The following THOP1 variants were observed in gnomAD, a reference collection of about 807,000 sequenced individuals.
The protein encoded by THOP1 is thimet oligopeptidase 1, also known as thimet oligopeptidase.
THOP1 carries 49 observed loss-of-function variants against 71.8 expected under a neutral mutation model. The observed-to-expected ratio is 0.68, with a 90% CI of 0.54 to 0.87. The LOEUF is 0.87. Among genes scored for constraint, THOP1 ranks in the 40% least tolerant of loss-of-function variants. The probability of loss-of-function intolerance (pLI) is 0.00; values close to 1 mark genes in which losing one functional copy is unlikely to be tolerated. For synonymous variants in THOP1, 426 were observed against 421.5 expected (o/e 1.01, Z -0.13); for missense variants, 843 against 975.6 (o/e 0.86, Z 1.81).
intron 7 of THOP1, among the ~76,000 whole-genome samples, 153 bp from the exon 8 acceptor site, chr19:2,807,289 G>A (rs867582329): frequency 6.6e-6 from 1 of 152,222 alleles, no homozygotes; most frequent in East Asian, 1.9e-4. Context: ...CACCCTGAGC[G>A]TGAGGATGCT....
At position 2,808,316 on chromosome 19, in the gene THOP1, A is replaced by C. The variant is rs556378977; in HGVS notation, c.1327A>C (p.Ile443Leu). ...GCLRQDGSRQ[I>L]AIAAMVANFT... ...CCTGCGGCAGGATGGGAGCCGCCAG[A>C]TCGCCATCGCGGCCATGGTGGCCAA... The change falls in exon 9 of 13, where the codon ATC becomes CTC. Residue 443 changes from isoleucine to leucine, a missense_variant. Transcript: ENST00000307741. 2.1e-5 allele frequency: 33 copies of C among 1,587,554 alleles called. No homozygotes were observed. In the East Asian group the frequency reaches 6.5e-4, roughly 31 times the overall value.
chr19:2,803,086 T>A (rs2144773025), intron 5 of THOP1, among the ~76,000 whole-genome samples: 1 of 152,286 alleles, frequency 6.6e-6, no homozygotes, highest in African/African-American at 2.4e-5. Flanking sequence ...GTTGGACATG[T>A]GATGTCGCAG....
At chr19:2,808,153 T>A (rs1314806019) in intron 8 of THOP1, 90 bp from the exon 9 acceptor site, 3 of 1,418,070 alleles carry the variant, frequency 2.1e-6, no homozygotes, top group Non-Finnish European at 2.9e-6. Flanking sequence ...GCGGTCTGGG[T>A]TAGCAGTCAG....
At chr19:2,813,003 C>T (rs1916519813) in intron 12 of THOP1, 112 bp from the exon 13 acceptor site, 1 of 1,355,278 alleles carries the variant, frequency 7.4e-7, no homozygotes, top group Non-Finnish European at 9.9e-7. Flanking sequence ...TCCCTGGGAA[C>T]CTGGAAGGGG....
At position 2,813,431 on chromosome 19, in the gene THOP1, G is replaced by A. The variant is rs1342884181; in HGVS notation, c.*155G>A. On this transcript the variant is annotated 3_prime_UTR_variant, in exon 13 of 13. Transcript: ENST00000307741. ...CTCTTGTCATTGTCTGTCCCCACCC[G>A]GTCGTGGCCCACCCGGCTAGAGACG... The A allele has an allele frequency of 2.0e-5, 20 of 982,812 alleles. No homozygotes were observed. The highest frequency in any genetic ancestry group is 4.9e-5 in the African/African-American group (3 of 60,928). 60.9% of individuals were successfully genotyped at this position (982,812 alleles called of 1,614,324 possible).
At position 2,799,852 on chromosome 19, in the gene THOP1, C is replaced by T. The variant is rs1916105415; in HGVS notation, c.589+61C>T. 10 of 1,486,840 alleles carry T rather than the reference C, an allele frequency of 6.7e-6. No homozygotes were observed. In the South Asian group the frequency reaches 1.1e-4, roughly 17 times the overall value. The allele number at this position is 1,486,840 out of a possible 1,614,324, so 92.1% of individuals were successfully genotyped here. On this transcript the variant is annotated intron_variant, in intron 5 of 12. Transcript: ENST00000307741. ...GTCCTGGGACTCAGTGCAGGCCTGC[C>T]AGGCCCTCGGGGGCCGCCGCTTCCT... is the stretch of plus-strand genomic sequence containing the variant.
intron 4 of THOP1, among the ~76,000 whole-genome samples, chr19:2,798,743 C>T (rs979506785): frequency 3.3e-5 from 5 of 152,250 alleles, no homozygotes; most frequent in Non-Finnish European, 7.3e-5. Flanking sequence ...CCCCTGCTGC[C>T]GCCCTCTGTC....
At position 2,801,173 on chromosome 19, in the gene THOP1, G is replaced by A. The variant is rs563172323; in HGVS notation, c.589+1382G>A. Among the ~76,000 whole-genome samples, 5 of 152,298 alleles carry A rather than the reference G, an allele frequency of 3.3e-5. No homozygotes were observed. Among genetic ancestry groups the A allele is most frequent in the East Asian group, 1.9e-4 (1 of 5,176 alleles). On this transcript the variant is annotated intron_variant, in intron 5 of 12. Coordinates refer to ENST00000307741, the MANE Select transcript of THOP1 (RefSeq NM_003249.5). This position sits in a 1 kb window ranked among gnomAD's most constrained non-coding sequence, Gnocchi z 5.1. Reference sequence around the variant, plus strand: ...CTTGGGCACGCACAGTTATCTGTCCGTGCCAGCTCGTGGGTCCTGGGTGTG... The same window carrying A: ...CTTGGGCACGCACAGTTATCTGTCCATGCCAGCTCGTGGGTCCTGGGTGTG...
chr19:2,806,789 C>T (rs1038756373), intron 6 of THOP1, 128 bp from the exon 7 acceptor site: 59 of 1,511,128 alleles, frequency 3.9e-5, no homozygotes, highest in Non-Finnish European at 4.8e-5. Flanking sequence ...TAACACAGGC[C>T]GAGAGGGGCA....
At chr19:2,785,756 G>A in intron 1 of THOP1, 78 bp downstream of exon 1, 2 of 1,275,940 alleles carry the variant, frequency 1.6e-6, no homozygotes, top group South Asian at 2.8e-5. Flanking sequence ...TGGGCCTAAG[G>A]CTGGAGCGAA....
At chr19:2,786,261 A>G (rs935925010) in intron 1 of THOP1, among the ~76,000 whole-genome samples, 2 of 152,012 alleles carry the variant, frequency 1.3e-5, no homozygotes, top group African/African-American at 4.8e-5. Context: ...GGACCTTTTA[A>G]TTTTGTTATT....
chr19:2,807,825 G>A lies in THOP1; in HGVS notation c.1253+17G>A. The A allele has an allele frequency of 6.9e-7, 1 of 1,448,338 alleles. No homozygotes were observed. Among genetic ancestry groups the A allele is most frequent in the Non-Finnish European group, 9.1e-7 (1 of 1,104,014 alleles). The allele number at this position is 1,448,338 out of a possible 1,614,324, so 89.7% of individuals were successfully genotyped here. A position where few individuals can be genotyped will look rare whatever the true frequency, so the allele number is the denominator to read the frequency against. On this transcript the variant is annotated intron_variant, in intron 8 of 12. Transcript: ENST00000307741. ...GTACCCGCGGTGGGTGAGGGCAGCG[G>A]GGGCGGGGGGCGCACCCCGGCCCTG...
Position 2,807,008 on chromosome 19 carries a change from A to T in THOP1, c.842A>T (p.Glu281Val). 6.2e-7 allele frequency: 1 copy of T among 1,612,870 alleles called. No individual in the cohort carries two copies. The highest frequency in any genetic ancestry group is 1.3e-5 in the African/African-American group (1 of 75,018). ...CACACGCACGCCGACTATGTCCTGG[A>T]GATGAACATGGCCAAGACCAGCCAG... is the stretch of plus-strand genomic sequence containing the variant. The part of the protein sequence containing the change: ...GFHTHADYVL[E>V]MNMAKTSQTV... The change falls in exon 7 of 13, where the codon GAG (glutamate) becomes GTG (valine). Residue 281 changes from glutamate to valine, a missense_variant. By Grantham distance (121) the Glu-to-Val change is moderately radical. Transcript: ENST00000307741.
chr19:2,794,663 G>A, intron 2 of THOP1, 101 bp from the exon 3 acceptor site: 1 of 1,422,280 alleles, frequency 7.0e-7, no homozygotes, highest in Non-Finnish European at 9.6e-7. Context: ...GAGTTCACGG[G>A]GGGATTCAGC....
Position 2,811,593 on chromosome 19 carries a change from C to T in THOP1, c.1772-5C>T, listed in dbSNP as rs1173450343. The T allele has an allele frequency of 1.2e-6, 2 of 1,611,996 alleles. No homozygotes were observed. Among genetic ancestry groups the T allele is most frequent in the Non-Finnish European group, 1.7e-6 (2 of 1,179,228 alleles). On this transcript the variant is annotated splice_polypyrimidine_tract_variant and splice_region_variant and intron_variant, in intron 11 of 12. Transcript: ENST00000307741. ...AGCGTGAACCCTGCCATGTGTCCGC[C>T]CCAGGAACCAACATGCCTGCAACCT...
intron 9 of THOP1, 133 bp downstream of exon 9, chr19:2,808,577 A>G: frequency 9.6e-7 from 1 of 1,038,994 alleles, no homozygotes; most frequent in Non-Finnish European, 1.4e-6. Context: ...ATCCAATGCC[A>G]CCCAAAGATG....
Position 2,804,962 on chromosome 19 carries a change from G to A in THOP1, c.590-54G>A, listed in dbSNP as rs1383905281. ...CCACCCCTTCCCTCACACGCTGTGT[G>A]CAGGCTGTGGGCCCATCAGTCCTGT... On this transcript the variant is annotated intron_variant, in intron 5 of 12. Transcript: ENST00000307741. This position sits in a 1 kb window ranked among gnomAD's most constrained non-coding sequence, Gnocchi z 4.7. 24 of 1,556,286 alleles carry A rather than the reference G, an allele frequency of 1.5e-5. No individual in the cohort carries two copies. Among genetic ancestry groups the A allele is most frequent in the Non-Finnish European group, 1.9e-5 (22 of 1,148,618 alleles).
In THOP1 at chr19:2,804,635, C is replaced by A; in HGVS notation, c.590-381C>A. On this transcript the variant is annotated intron_variant, in intron 5 of 12. Transcript: ENST00000307741. This position sits in a 1 kb window ranked among gnomAD's most constrained non-coding sequence, Gnocchi z 4.7. Reference sequence around the variant, plus strand: ...GTGGCCGGGCCACCCTTCCCGCCACCCTCCTCCCTTCACACATGAGGTTGG... The same window carrying A: ...GTGGCCGGGCCACCCTTCCCGCCACACTCCTCCCTTCACACATGAGGTTGG... 1 of 180,766 alleles carries A rather than the reference C, an allele frequency of 5.5e-6. No homozygotes were observed. The highest frequency in any genetic ancestry group is 1.1e-5 in the Non-Finnish European group (1 of 87,370). 11.2% of individuals were successfully genotyped at this position (180,766 alleles called of 1,614,324 possible).
rs373793508 is a variant in THOP1, at chr19:2,807,498, G to A, written c.943G>A (p.Glu315Lys). Reference sequence around the variant, plus strand: ...GGAGCAGGAGCGTGCGGTGATTCTGGAGCTGAAGCGTGCGGAGTGCGAGCG... The same window carrying A: ...GGAGCAGGAGCGTGCGGTGATTCTGAAGCTGAAGCGTGCGGAGTGCGAGCG... ...LGEQERAVILELKRAECERRG... is the reference protein window; with the variant it reads ...LGEQERAVILKLKRAECERRG... The change falls in exon 8 of 13, where the codon GAG (glutamate) becomes AAG (lysine). Residue 315 changes from glutamate to lysine, a missense_variant. Glu to Lys is a moderately conservative substitution (Grantham distance 56). Coordinates refer to ENST00000307741, the MANE Select transcript of THOP1 (RefSeq NM_003249.5). 5.6e-5 allele frequency: 91 copies of A among 1,610,796 alleles called. No individual in the cohort carries two copies. Among genetic ancestry groups the A allele is most frequent in the Middle Eastern group, 1.9e-4 (1 of 5,230 alleles).
Sources: gnomAD v4.1 joint callset for allele counts (sites outside exome capture counted in the v4.1 genomes callset) on GRCh38, gnomAD v4.1.1 for gene constraint, Gnocchi (gnomAD v3.1) non-coding constraint, MANE v1.5 for transcripts, NCBI Gene and HGNC (gene_info 2026-07-23, HGNC 2026-07-21) for gene names.